The following ARHGEF28 variants were observed in gnomAD, a reference collection of about 807,000 sequenced individuals.
ARHGEF28 encodes Rho guanine nucleotide exchange factor 28.
ARHGEF28 carries 152 observed loss-of-function variants against 206.6 expected under a neutral mutation model. The observed-to-expected ratio is 0.74, with a 90% CI of 0.64 to 0.84. The LOEUF is 0.84. Ranked by LOEUF, ARHGEF28 falls within the 40% of genes least tolerant of loss-of-function variation. The pLI, the probability that ARHGEF28 is intolerant of heterozygous loss-of-function variation, is 0.00. For synonymous variants in ARHGEF28, 763 were observed against 776.4 expected (o/e 0.98, Z 0.29); for missense variants, 2,028 against 2,073.2 (o/e 0.98, Z 0.42).
intron 1 of ARHGEF28, among the ~76,000 whole-genome samples, chr5:73,641,664 A>C (rs995625525): frequency 1.3e-5 from 2 of 152,196 alleles, no homozygotes; most frequent in African/African-American, 2.4e-5. Flanking sequence ...GGGATCTCTC[A>C]TAATTAGCAA....
intron 9 of ARHGEF28, among the ~76,000 whole-genome samples, chr5:73,826,542 A>G (rs1756918641): frequency 6.6e-6 from 1 of 152,184 alleles, no homozygotes; most frequent in Non-Finnish European, 1.5e-5. Flanking sequence ...TGGGTCTCTT[A>G]CATAACCAGT....
Position 73,940,922 on chromosome 5 carries a change from C to T in ARHGEF28, c.5027C>T (p.Thr1676Ile). The T allele has an allele frequency of 6.5e-7, 1 of 1,534,662 alleles. No individual in the cohort carries two copies. Among genetic ancestry groups the T allele is most frequent in the Non-Finnish European group, 8.7e-7 (1 of 1,146,600 alleles). Residue 1676 changes from threonine to isoleucine, a missense_variant, in exon 36 of 36, where the codon ACA (threonine) becomes ATA (isoleucine). By Grantham distance (89) the Thr-to-Ile change is moderately conservative. Coordinates refer to ENST00000513042, the MANE Select transcript of ARHGEF28 (RefSeq NM_001177693.2). ...CGCCCTCAACTGCAGGCGTTTATAA[C>T]AGAAGCAAAGCTAAATCTACCGACA... ...SHRPQLQAFI[T>I]EAKLNLPTRT...
chr5:73,922,013 G>T (rs1243563204), intron 35 of ARHGEF28, among the ~76,000 whole-genome samples: 2 of 152,168 alleles, frequency 1.3e-5, no homozygotes, highest in Non-Finnish European at 2.9e-5. Flanking sequence ...AACAGGAATT[G>T]CATGCTCAAA....
Position 73,865,951 on chromosome 5 carries a change from A to G in ARHGEF28, c.2104-14A>G. ...TTTGATCTTACTTTATGTGTTTCTA[A>G]TATTCTTTACCAGAAATTCCAAGAG... On this transcript the variant is annotated splice_polypyrimidine_tract_variant and intron_variant, in intron 17 of 35. Transcript: ENST00000513042. 1 of 1,564,410 alleles carries G rather than the reference A, an allele frequency of 6.4e-7. No homozygotes were observed. Among genetic ancestry groups the G allele is most frequent in the Non-Finnish European group, 8.8e-7 (1 of 1,138,986 alleles).
At chr5:73,935,236 G>T (rs1650439) in intron 35 of ARHGEF28, among the ~76,000 whole-genome samples, 1 of 152,106 alleles carries the variant, frequency 6.6e-6, no homozygotes, top group South Asian at 2.1e-4. Flanking sequence ...TCACAAATTT[G>T]TACATGTGTT....
chr5:73,691,068 TA>T (rs1747798105), intron 2 of ARHGEF28, among the ~76,000 whole-genome samples: 1 of 152,040 alleles, frequency 6.6e-6, no homozygotes, highest in Non-Finnish European at 1.5e-5. Flanking sequence ...TAGCTGGGAC[TA>T]GAGGCATGAG....
chr5:73,887,288 A>G (rs1761357114), intron 25 of ARHGEF28, among the ~76,000 whole-genome samples: 1 of 152,184 alleles, frequency 6.6e-6, no homozygotes, highest in African/African-American at 2.4e-5. Context: ...TTAATTCAGC[A>G]CTTTTCCTGC....
intron 35 of ARHGEF28, among the ~76,000 whole-genome samples, chr5:73,939,487 A>G (rs566794058): frequency 1.3e-5 from 2 of 152,134 alleles, no homozygotes; most frequent in South Asian, 4.2e-4. Context: ...ATGCCTCCCT[A>G]CCTCTCTTCC....
At chr5:73,870,020 T>C (rs1401638290) in intron 20 of ARHGEF28, 49 bp from the exon 21 acceptor site, 2 of 1,587,124 alleles carry the variant, frequency 1.3e-6, no homozygotes, top group Admixed American at 1.8e-5. Flanking sequence ...AAGGTATATT[T>C]GTGCTGCATT....
At chr5:73,825,412 TG>T (rs1756845322) in intron 9 of ARHGEF28, among the ~76,000 whole-genome samples, 1 of 151,890 alleles carries the variant, frequency 6.6e-6, no homozygotes, top group South Asian at 2.1e-4. Context: ...AGGAGGCTTG[TG>T]GGGCTGGAGT....
intron 9 of ARHGEF28, among the ~76,000 whole-genome samples, chr5:73,802,003 A>G (rs716460): frequency 0.64 from 96,632 of 152,114 alleles, 32,200 homozygotes; most frequent in African/African-American, 0.85. Context: ...CTAACGTACT[A>G]GGTTTTCAGT....
chr5:73,626,437 G>C (rs1465507470), intron 1 of ARHGEF28, 115 bp downstream of exon 1: 1 of 152,200 alleles, frequency 6.6e-6, no homozygotes, highest in Non-Finnish European at 1.5e-5. Context: ...CCAGGGATGC[G>C]AGGGTCAGCA....
chr5:73,828,584 T>A (rs1757060109), intron 9 of ARHGEF28, among the ~76,000 whole-genome samples: 1 of 151,962 alleles, frequency 6.6e-6, no homozygotes, highest in African/African-American at 2.4e-5. Flanking sequence ...CTTTTCTTCC[T>A]TTCCTTTCCT....
At chr5:73,753,553 G>A (rs1473082345) in intron 4 of ARHGEF28, among the ~76,000 whole-genome samples, 1 of 152,208 alleles carries the variant, frequency 6.6e-6, no homozygotes, top group Non-Finnish European at 1.5e-5. Context: ...CAAATAGGTA[G>A]GCTCACTGGA....
chr5:73,878,423 C>T (rs1490875785), intron 22 of ARHGEF28, among the ~76,000 whole-genome samples: 1 of 151,984 alleles, frequency 6.6e-6, no homozygotes, highest in Non-Finnish European at 1.5e-5. Context: ...AGTCCATTTA[C>T]ATTTAAAGTT....
chr5:73,731,021 A>C (rs931925273), intron 2 of ARHGEF28, among the ~76,000 whole-genome samples: 3 of 151,970 alleles, frequency 2.0e-5, no homozygotes, highest in Non-Finnish European at 2.9e-5. Flanking sequence ...TAAAAAAAAA[A>C]AACCCTCTAA....
chr5:73,691,883 G>A (rs943506331), intron 2 of ARHGEF28, among the ~76,000 whole-genome samples: 38 of 152,280 alleles, frequency 2.5e-4, no homozygotes, highest in African/African-American at 8.7e-4. Flanking sequence ...CTGTCCATAT[G>A]TCCTTATATG....
rs147567889 is a variant in ARHGEF28, at chr5:73,754,208, CT to C, written c.475+1007del. On this transcript the variant is annotated intron_variant, in intron 4 of 35. Coordinates refer to ENST00000513042, the MANE Select transcript of ARHGEF28 (RefSeq NM_001177693.2). ...CATGGATGAGATTAAATGCACTGCTCTGGGTAAAGGGGTGTGAATTTTGTAA... is the reference window on the plus strand; with the variant it reads ...CATGGATGAGATTAAATGCACTGCTCGGGTAAAGGGGTGTGAATTTTGTAA... Among the ~76,000 whole-genome samples the C allele has an allele frequency of 7.8e-4, 118 of 152,210 alleles. No homozygotes were observed. In the East Asian group the frequency reaches 0.019, roughly 24 times the overall value.
At chr5:73,780,337 C>T (rs1296033255) in intron 6 of ARHGEF28, 4 of 260,980 alleles carry the variant, frequency 1.5e-5, no homozygotes, top group Non-Finnish European at 3.0e-5. Flanking sequence ...GTGGCAGATG[C>T]ACAGGCCAGA....
Sources: allele counts gnomAD v4.1 joint callset (sites outside exome capture counted in the v4.1 genomes callset), GRCh38; gene constraint gnomAD v4.1.1; transcripts MANE v1.5; gene names NCBI Gene and HGNC (gene_info 2026-07-23, HGNC 2026-07-21).